The following RAD9B variants were observed in gnomAD, a reference collection of about 807,000 sequenced individuals.
RAD9B encodes the protein cell cycle checkpoint control protein RAD9B.
In RAD9B, 41 loss-of-function variants were observed where a neutral mutation model predicts 48.3. The observed-to-expected ratio is 0.85, with a 90% confidence interval of 0.66 to 1.10. The LOEUF (loss-of-function observed/expected upper bound fraction) is 1.10. Ranked by LOEUF, RAD9B falls within the 50% of genes least tolerant of loss-of-function variation. RAD9B has a pLI of 0.00. For missense variants in RAD9B, 444 were observed against 485.1 expected (o/e 0.92, Z 0.80); for synonymous variants, 160 against 157.9 (o/e 1.01, Z -0.10).
intron 5 of RAD9B, among the ~76,000 whole-genome samples, chr12:110,513,712 AT>A (rs1173000506): frequency 6.9e-6 from 1 of 145,684 alleles, no homozygotes; most frequent in Non-Finnish European, 1.5e-5. Context: ...TATTATTATT[AT>A]TATTATTATT....
chr12:110,526,327 C>T (rs1229393619), intron 10 of RAD9B, among the ~76,000 whole-genome samples: 1 of 152,110 alleles, frequency 6.6e-6, no homozygotes, highest in Non-Finnish European at 1.5e-5. Flanking sequence ...GATTACTAGA[C>T]ATGGAGAAGG....
intron 10 of RAD9B, among the ~76,000 whole-genome samples, chr12:110,523,173 C>A (rs1012969354): frequency 6.6e-6 from 1 of 152,130 alleles, no homozygotes; most frequent in South Asian, 2.1e-4. Context: ...CAGTGACTCA[C>A]GCCTGTAACC....
In RAD9B at chr12:110,515,050, A is replaced by ATTGC. The variant is rs1309613666; in HGVS notation, c.495_498dup (p.Asp167CysfsTer2). The ATTGC allele has an allele frequency of 6.5e-7, 1 of 1,532,042 alleles. No homozygotes were observed. Among genetic ancestry groups the ATTGC allele is most frequent in the Admixed American group, 2.0e-5 (1 of 50,926 alleles). The allele number at this position is 1,532,042 out of a possible 1,614,324, so 94.9% of individuals were successfully genotyped here. ...TAATACTGTTCTTTACATTTTATAG[A>ATTGC]TTGCTTGCTGATGCCATTGTTCTTT... On this transcript the variant is annotated frameshift_variant and splice_region_variant, in exon 6 of 11. Transcript: ENST00000409300. LOFTEE classifies it high-confidence loss of function.
Position 110,519,826 on chromosome 12 carries a change from T to A in RAD9B, c.800T>A (p.Val267Glu). 1 of 1,613,292 alleles carries A rather than the reference T, an allele frequency of 6.2e-7. No individual in the cohort carries two copies. Among genetic ancestry groups the A allele is most frequent in the Non-Finnish European group, 8.5e-7 (1 of 1,179,646 alleles). The change falls in exon 9 of 11, where the codon GTG becomes GAG. Residue 267 changes from valine (V) to glutamate (E), a missense_variant. By Grantham distance (121) the Val-to-Glu change is moderately radical. Transcript: ENST00000409300. ...PLALSIDDML[V>E]EANFILATLA... The stretch of plus-strand genomic sequence containing the variant: ...GCTTTGAGTATTGATGATATGTTAG[T>A]GGAAGCTAACTTTATTTTGGCCACA...
intron 6 of RAD9B, among the ~76,000 whole-genome samples, chr12:110,517,269 A>G (rs1010970507): frequency 6.6e-6 from 1 of 152,158 alleles, no homozygotes; most frequent in African/African-American, 2.4e-5. Flanking sequence ...TCAAGGTTGC[A>G]GGTGAGCTAT....
chr12:110,530,436 C>A, intron 10 of RAD9B, 89 bp from the exon 11 acceptor site: 2 of 1,172,820 alleles, frequency 1.7e-6, no homozygotes, highest in South Asian at 1.3e-5. Context: ...TAATACTGGT[C>A]AGGTTTCTGA....
chr12:110,521,496 G>A (rs1222226249), intron 9 of RAD9B, among the ~76,000 whole-genome samples: 1 of 151,774 alleles, frequency 6.6e-6, no homozygotes, highest in African/African-American at 2.4e-5. Flanking sequence ...TAGAGCATAT[G>A]CGGTTTTGGT....
intron 1 of RAD9B, chr12:110,503,184 T>C (rs546811330): frequency 2.0e-5 from 3 of 152,618 alleles, no homozygotes; most frequent in Non-Finnish European, 2.9e-5. Flanking sequence ...AGGTTGAGGC[T>C]GCAGTGAGTT....
chr12:110,533,412 T>A lies in RAD9B; in HGVS notation c.*2759T>A, dbSNP rs2064184603. On this transcript the variant is annotated 3_prime_UTR_variant, in exon 11 of 11. Transcript: ENST00000409300. ...ACAGAAAAAAAGCAGCTCATTAGTA[T>A]ACACACAGATTCTAATTTGCTTCAT... The A allele has an allele frequency of 6.6e-6, 1 of 152,212 alleles. No individual in the cohort carries two copies. Among genetic ancestry groups the A allele is most frequent in the Admixed American group, 6.5e-5 (1 of 15,278 alleles). The allele number at this position is 152,212 out of a possible 1,614,324, so 9.4% of individuals were successfully genotyped here.
At chr12:110,526,804 G>C (rs927136483) in intron 10 of RAD9B, among the ~76,000 whole-genome samples, 1 of 151,850 alleles carries the variant, frequency 6.6e-6, no homozygotes, top group Non-Finnish European at 1.5e-5. Flanking sequence ...AGCTACTTGG[G>C]AGGCTGAGGC....
intron 5 of RAD9B, among the ~76,000 whole-genome samples, chr12:110,514,675 T>C (rs2135691205): frequency 6.6e-6 from 1 of 152,322 alleles, no homozygotes; most frequent in South Asian, 2.1e-4. Context: ...ATAATTCACC[T>C]GAGTTGTTTT....
chr12:110,519,840 A>T lies in RAD9B; in HGVS notation c.814A>T (p.Ile272Phe), dbSNP rs374567830. The T allele has an allele frequency of 8.1e-5, 131 of 1,613,070 alleles. No homozygotes were observed. Among genetic ancestry groups the T allele is most frequent in the Middle Eastern group, 3.3e-4 (2 of 6,082 alleles). The change falls in exon 9 of 11, where the codon ATT becomes TTT. Residue 272 changes from isoleucine (I) to phenylalanine (F), a missense_variant. Physicochemically the swap from Ile to Phe is conservative, Grantham distance 21. Transcript: ENST00000409300. ...TGATATGTTAGTGGAAGCTAACTTTATTTTGGCCACATTAGCTGATGAACA... is the reference window on the plus strand; with the variant it reads ...TGATATGTTAGTGGAAGCTAACTTTTTTTTGGCCACATTAGCTGATGAACA... ...IDDMLVEANF[I>F]LATLADEQSR...
intron 10 of RAD9B, 134 bp downstream of exon 10, chr12:110,522,545 A>C: frequency 3.0e-6 from 2 of 656,454 alleles, no homozygotes; most frequent in South Asian, 4.1e-5. Context: ...GGAAAAGTGA[A>C]GCTAGTCTGA....
At chr12:110,525,311 A>C (rs974865061) in intron 10 of RAD9B, among the ~76,000 whole-genome samples, 6 of 151,880 alleles carry the variant, frequency 4.0e-5, no homozygotes, top group African/African-American at 1.4e-4. Flanking sequence ...TTTTTAGTAG[A>C]GACGGGGTTT....
intron 6 of RAD9B, among the ~76,000 whole-genome samples, chr12:110,516,838 A>G (rs1397154929): frequency 1.3e-5 from 2 of 151,906 alleles, no homozygotes; most frequent in African/African-American, 2.4e-5. Context: ...AAATATGTAT[A>G]TATATATCAC....
At chr12:110,529,852 G>A (rs1411501072) in intron 10 of RAD9B, among the ~76,000 whole-genome samples, 1 of 152,186 alleles carries the variant, frequency 6.6e-6, no homozygotes, top group East Asian at 1.9e-4. Flanking sequence ...ACTTGGAAGA[G>A]TGGCTTCTGC....
intron 10 of RAD9B, among the ~76,000 whole-genome samples, chr12:110,525,312 G>C (rs2063903053): frequency 6.6e-6 from 1 of 151,700 alleles, no homozygotes; most frequent in African/African-American, 2.4e-5. Flanking sequence ...TTTTAGTAGA[G>C]ACGGGGTTTC....
chr12:110,521,635 C>A (rs936173371), intron 9 of RAD9B, among the ~76,000 whole-genome samples: 2 of 148,966 alleles, frequency 1.3e-5, no homozygotes, highest in African/African-American at 5.0e-5. Context: ...CAGCTCATTG[C>A]AACCTCCGCC....
rs1408423089 is a variant in RAD9B, at chr12:110,532,082, C to T, written c.*1429C>T. The T allele has an allele frequency of 2.6e-5, 4 of 154,400 alleles. No homozygotes were observed. The highest frequency in any genetic ancestry group is 9.6e-5 in the African/African-American group (4 of 41,470). 9.6% of individuals were successfully genotyped at this position (154,400 alleles called of 1,614,324 possible). A position where few individuals can be genotyped will look rare whatever the true frequency, so the allele number is the denominator to read the frequency against. ...TAACCTAATAAAAACTCAAGTTCAT[C>T]CCAAGATGTTCCTTAGTGAATGAAA... On this transcript the variant is annotated 3_prime_UTR_variant, in exon 11 of 11. Coordinates refer to ENST00000409300, the MANE Select transcript of RAD9B (RefSeq NM_001286535.2).
Sources: gnomAD v4.1 joint callset for allele counts (sites outside exome capture counted in the v4.1 genomes callset) on GRCh38, gnomAD v4.1.1 for gene constraint, MANE v1.5 for transcripts, NCBI Gene and HGNC (gene_info 2026-07-23, HGNC 2026-07-21) for gene names.